The following ANKRD30BL variants were observed in gnomAD, a reference collection of about 807,000 sequenced individuals.
ANKRD30BL encodes the protein ankyrin repeat domain 30B like, also known as putative ankyrin repeat domain-containing protein 30B-like.
ANKRD30BL carries 20 observed loss-of-function variants against 18.4 expected under a neutral mutation model. The observed-to-expected ratio is 1.09, with a 90% CI of 0.77 to 1.58. The LOEUF is 1.58. Ranked by LOEUF, ANKRD30BL falls within the 40% of genes most tolerant of loss-of-function variation. The pLI, the probability that ANKRD30BL is intolerant of heterozygous loss-of-function variation, is 0.00. For synonymous variants in ANKRD30BL, 72 were observed against 100.9 expected (o/e 0.71, Z 1.72); for missense variants, 224 against 268.6 (o/e 0.83, Z 1.16).
chr2:132,228,861 C>T (rs1316559290), intron 1 of ANKRD30BL, among the ~76,000 whole-genome samples: 1 of 149,126 alleles, frequency 6.7e-6, no homozygotes, highest in East Asian at 2.0e-4. Flanking sequence ...TGACTGAGCA[C>T]TTTGGAAACT....
At chr2:132,187,184 GTTTGTTTTT>G (rs1688578250) in intron 1 of ANKRD30BL, among the ~76,000 whole-genome samples, 1 of 105,352 alleles carries the variant, frequency 9.5e-6, no homozygotes. Flanking sequence ...TTTTTTTTTT[GTTTGTTTTT>G]TTTTTTTTTT....
chr2:132,231,973 T>C (rs1410257411), intron 1 of ANKRD30BL, among the ~76,000 whole-genome samples: 4 of 152,318 alleles, frequency 2.6e-5, no homozygotes, highest in East Asian at 1.9e-4. Flanking sequence ...TCTCCCAGCA[T>C]GCAGCTGGAG....
chr2:132,165,622 C>A (rs940448741), upstream of ANKRD30BL, among the ~76,000 whole-genome samples: 34 of 151,090 alleles, frequency 2.3e-4, no homozygotes, highest in African/African-American at 8.0e-4. Flanking sequence ...ACTCTGGAGG[C>A]GAGGCAGGAG....
At chr2:132,245,261 C>T (rs564941933) in intron 1 of ANKRD30BL, among the ~76,000 whole-genome samples, 12 of 152,246 alleles carry the variant, frequency 7.9e-5, no homozygotes, top group Admixed American at 2.6e-4. Flanking sequence ...TTGCTGTAAA[C>T]GGGAATATCT....
intron 1 of ANKRD30BL, among the ~76,000 whole-genome samples, chr2:132,247,132 GT>G (rs1680523322): frequency 9.5e-6 from 1 of 104,950 alleles, no homozygotes; most frequent in South Asian, 2.9e-4. Context: ...GAGGCCTATG[GT>G]GAAAAAGGAA....
upstream of ANKRD30BL, among the ~76,000 whole-genome samples, chr2:132,162,329 T>C (rs1469674416): frequency 6.6e-6 from 1 of 152,096 alleles, no homozygotes; most frequent in Non-Finnish European, 1.5e-5. Context: ...GGTTGCAGCC[T>C]CTCCTGCCAC....
At chr2:132,204,745 C>T (rs922051092) in intron 1 of ANKRD30BL, among the ~76,000 whole-genome samples, 2 of 152,042 alleles carry the variant, frequency 1.3e-5, no homozygotes, top group African/African-American at 4.8e-5. Flanking sequence ...TCTAAATTTT[C>T]TTGGCCACTG....
intron 1 of ANKRD30BL, among the ~76,000 whole-genome samples, chr2:132,203,388 G>A (rs530519684): frequency 6.6e-6 from 1 of 152,212 alleles, no homozygotes; most frequent in Admixed American, 6.5e-5. Flanking sequence ...AGGGAGGTAA[G>A]CTTGTTCATT....
intron 1 of ANKRD30BL, among the ~76,000 whole-genome samples, chr2:132,214,883 T>C (rs1272224082): frequency 2.0e-5 from 3 of 152,016 alleles, no homozygotes; most frequent in Non-Finnish European, 2.9e-5. Context: ...AACTTCTTTG[T>C]GATGTGTGCA....
intron 1 of ANKRD30BL, among the ~76,000 whole-genome samples, chr2:132,169,527 G>A (rs1688240866): frequency 6.6e-6 from 1 of 151,578 alleles, no homozygotes; most frequent in Non-Finnish European, 1.5e-5. Context: ...CATGCCTGTA[G>A]TCTCATCTAT....
At chr2:132,153,310 A>G (rs1687811970) in intron 4 of ANKRD30BL, among the ~76,000 whole-genome samples, 1 of 152,166 alleles carries the variant, frequency 6.6e-6, no homozygotes, top group African/African-American at 2.4e-5. Context: ...GACCCAAATA[A>G]CTAATTAGAA....
At chr2:132,221,623 G>A (rs577802892) in intron 1 of ANKRD30BL, among the ~76,000 whole-genome samples, 2,429 of 120,146 alleles carry the variant, frequency 0.02, 124 homozygotes, top group African/African-American at 0.1. Context: ...CCGGCCAGCC[G>A]CCCAGTCCGG....
At chr2:132,188,038 T>C (rs1688600983) in intron 1 of ANKRD30BL, among the ~76,000 whole-genome samples, 1 of 152,224 alleles carries the variant, frequency 6.6e-6, no homozygotes, top group African/African-American at 2.4e-5. Flanking sequence ...TGAGCCACTG[T>C]GCCCGGCCAG....
chr2:132,254,615 T>C (rs1183818806), intron 1 of ANKRD30BL, among the ~76,000 whole-genome samples: 1 of 152,176 alleles, frequency 6.6e-6, no homozygotes, highest in Non-Finnish European at 1.5e-5. Context: ...CCATCGCCAA[T>C]GAGGTTCAAC....
At chr2:132,217,729 G>A (rs904788113) in intron 1 of ANKRD30BL, among the ~76,000 whole-genome samples, 24 of 152,288 alleles carry the variant, frequency 1.6e-4, no homozygotes, top group African/African-American at 5.8e-4. Flanking sequence ...GAATCTGCAT[G>A]TGGATATTTC....
At chr2:132,175,290 A>C (rs552773763) in intron 1 of ANKRD30BL, among the ~76,000 whole-genome samples, 1 of 152,032 alleles carries the variant, frequency 6.6e-6, no homozygotes, top group South Asian at 2.1e-4. Flanking sequence ...TGTGAGCAGA[A>C]GAATCTGTGT....
At chr2:132,256,867 G>T in intron 1 of ANKRD30BL, 2 of 439,892 alleles carry the variant, frequency 4.5e-6, no homozygotes, top group South Asian at 3.2e-5. Context: ...GCCGCTCGGG[G>T]AGAGAGGATC....
At chr2:132,237,326 G>T (rs139492892) in intron 1 of ANKRD30BL, among the ~76,000 whole-genome samples, 1 of 151,704 alleles carries the variant, frequency 6.6e-6, no homozygotes, top group Non-Finnish European at 1.5e-5. Context: ...CTTTGTGATG[G>T]GTGTACTCAA....
At chr2:132,179,544 C>T (rs1377494107) in intron 1 of ANKRD30BL, among the ~76,000 whole-genome samples, 1 of 152,140 alleles carries the variant, frequency 6.6e-6, no homozygotes, top group Non-Finnish European at 1.5e-5. Flanking sequence ...CCGCCTCAGC[C>T]TCCCAAATTG....
Sources: allele counts gnomAD v4.1 joint callset (sites outside exome capture counted in the v4.1 genomes callset), GRCh38; gene constraint gnomAD v4.1.1; transcripts MANE v1.5; gene names NCBI Gene and HGNC (gene_info 2026-07-23, HGNC 2026-07-21).